Variants in CMSS1 observed in about 807,000 individuals in gnomAD.
CMSS1 encodes the protein cms1 ribosomal small subunit homolog.
A neutral mutation model predicts 43.5 loss-of-function variants in CMSS1; 33 were observed. That is an observed-to-expected ratio of 0.76 (90% CI 0.57 to 1.01). The LOEUF (loss-of-function observed/expected upper bound fraction) is 1.01, where lower values mean the gene tolerates loss of function less well. Among genes scored for constraint, CMSS1 ranks in the 50% least tolerant of loss-of-function variants. The pLI is 0.00. For synonymous variants in CMSS1, 115 were observed against 117.2 expected (o/e 0.98, Z 0.12); for missense variants, 313 against 326.4 (o/e 0.96, Z 0.32).
intron 1 of CMSS1, among the ~76,000 whole-genome samples, chr3:99,857,770 C>T (rs559108686): frequency 6.6e-6 from 1 of 152,344 alleles, no homozygotes; most frequent in South Asian, 2.1e-4. Flanking sequence ...TAGAGAATAA[C>T]TTCAGAGTCA....
intron 2 of CMSS1, among the ~76,000 whole-genome samples, chr3:100,152,411 A>G (rs1416544278): frequency 6.6e-6 from 1 of 152,130 alleles, no homozygotes; most frequent in African/African-American, 2.4e-5. Context: ...TCACTCCATT[A>G]GGCAGAAGTC....
At chr3:99,984,048 A>ATGTGTGTGTGTGTGTGTG (rs367846393) in intron 1 of CMSS1, among the ~76,000 whole-genome samples, 2,782 of 147,608 alleles carry the variant, frequency 0.019, 55 homozygotes, top group African/African-American at 0.047. Flanking sequence ...AAGGATGTAT[A>ATGTGTGTGTGTGTGTGTG]TGTATGTGTG....
chr3:99,951,672 G>T (rs1392323429), intron 1 of CMSS1, among the ~76,000 whole-genome samples: 1 of 152,126 alleles, frequency 6.6e-6, no homozygotes, highest in Non-Finnish European at 1.5e-5. Context: ...GTTGGGCTTG[G>T]CCACCTTATG....
chr3:99,886,873 G>A (rs555885525), intron 1 of CMSS1, among the ~76,000 whole-genome samples: 7 of 151,978 alleles, frequency 4.6e-5, no homozygotes, highest in Admixed American at 2.0e-4. Flanking sequence ...AGGAGGCTGA[G>A]GCAGGAGAAT....
chr3:99,984,064 G>GTGTGTGTGTGTGTGTGTGTGTT (rs1485556007), intron 1 of CMSS1, among the ~76,000 whole-genome samples: 1 of 152,054 alleles, frequency 6.6e-6, no homozygotes, highest in East Asian at 1.9e-4. Context: ...GTGTGTTTGT[G>GTGTGTGTGTGTGTGTGTGTGTT]TGTGTGTGTG....
intron 1 of CMSS1, among the ~76,000 whole-genome samples, chr3:100,068,039 C>A (rs912712596): frequency 6.6e-6 from 1 of 152,100 alleles, no homozygotes; most frequent in Non-Finnish European, 1.5e-5. Flanking sequence ...TCAAGCCAAC[C>A]TGGATCCACC....
chr3:99,979,489 C>A (rs1397844017), intron 1 of CMSS1, among the ~76,000 whole-genome samples: 1 of 152,110 alleles, frequency 6.6e-6, no homozygotes. Flanking sequence ...GCATTGGAGT[C>A]AGGTTGTTCA....
chr3:100,066,239 C>G (rs2065660894), intron 1 of CMSS1, among the ~76,000 whole-genome samples: 1 of 152,200 alleles, frequency 6.6e-6, no homozygotes, highest in South Asian at 2.1e-4. Context: ...TCCTGCAGCT[C>G]TCTGTGGGAT....
rs78637313 is a variant in CMSS1, at chr3:100,026,770, A to G, written c.65-120203A>G. Among the ~76,000 whole-genome samples, 605 of 152,232 alleles carry G rather than the reference A, an allele frequency of 4.0e-3. 6 individuals carry two copies. The highest frequency in any genetic ancestry group is 0.014 in the African/African-American group (592 of 41,558). Reference sequence around the variant, plus strand: ...CAAACCACCACCGTCTCTCTCCAAGATTGTTGCAGTAGCCTCCTAACTGGT... The same window carrying G: ...CAAACCACCACCGTCTCTCTCCAAGGTTGTTGCAGTAGCCTCCTAACTGGT... On this transcript the variant is annotated intron_variant, in intron 1 of 9. Transcript: ENST00000421999.
At chr3:100,085,204 G>A (rs950687369) in intron 1 of CMSS1, among the ~76,000 whole-genome samples, 4 of 152,144 alleles carry the variant, frequency 2.6e-5, no homozygotes, top group African/African-American at 7.2e-5. Context: ...TGATTATACC[G>A]TACAACCAAC....
chr3:100,155,975 G>C (rs1369659219), intron 2 of CMSS1, among the ~76,000 whole-genome samples: 6 of 151,988 alleles, frequency 3.9e-5, no homozygotes. Flanking sequence ...GATGCTCCTT[G>C]GTATGGGTAT....
intron 2 of CMSS1, among the ~76,000 whole-genome samples, chr3:100,154,650 A>G (rs2107521836): frequency 6.6e-6 from 1 of 152,286 alleles, no homozygotes. Context: ...TTTTATTTTT[A>G]CCAACCTAAT....
chr3:100,111,710 A>C (rs909395916), intron 1 of CMSS1, among the ~76,000 whole-genome samples: 1 of 152,210 alleles, frequency 6.6e-6, no homozygotes, highest in Non-Finnish European at 1.5e-5. Flanking sequence ...CTTCTGTCTT[A>C]GACTTCCTGT....
chr3:100,135,094 A>G (rs964473832), intron 1 of CMSS1, among the ~76,000 whole-genome samples: 2 of 152,224 alleles, frequency 1.3e-5, no homozygotes, highest in Admixed American at 1.3e-4. Context: ...TGCCTTGTAC[A>G]AAGTAAGGAT....
At chr3:99,961,512 C>G (rs1016883246) in intron 1 of CMSS1, among the ~76,000 whole-genome samples, 2 of 152,052 alleles carry the variant, frequency 1.3e-5, no homozygotes, top group Admixed American at 1.3e-4. Context: ...TTCATTTTGC[C>G]AGCCCATGTG....
At chr3:100,112,840 A>G (rs1032652729) in intron 1 of CMSS1, among the ~76,000 whole-genome samples, 6 of 152,258 alleles carry the variant, frequency 3.9e-5, no homozygotes, top group African/African-American at 1.4e-4. Flanking sequence ...AATTAAGCAT[A>G]ATGAGAGTTT....
chr3:100,014,869 C>CTTTTTT (rs1559725848), intron 1 of CMSS1, among the ~76,000 whole-genome samples: 2 of 18,520 alleles, frequency 1.1e-4, no homozygotes, highest in Non-Finnish European at 2.4e-4. Context: ...TTGTCTTTTT[C>CTTTTTT]TTTTCTTTTT....
intron 1 of CMSS1, among the ~76,000 whole-genome samples, chr3:100,065,852 T>C (rs527370297): frequency 8.5e-5 from 13 of 152,238 alleles, no homozygotes; most frequent in Non-Finnish European, 1.6e-4. Flanking sequence ...ATTTACCTAA[T>C]ACTGTGTTCT....
At chr3:100,117,560 A>G (rs567069048) in intron 1 of CMSS1, among the ~76,000 whole-genome samples, 26 of 152,132 alleles carry the variant, frequency 1.7e-4, no homozygotes, top group African/African-American at 5.1e-4. Context: ...TACATTAACT[A>G]CTAACCACGT....
Sources: gnomAD v4.1 joint callset for allele counts (sites outside exome capture counted in the v4.1 genomes callset) on GRCh38, gnomAD v4.1.1 for gene constraint, MANE v1.5 for transcripts, NCBI Gene and HGNC (gene_info 2026-07-23, HGNC 2026-07-21) for gene names.